RBPMS2: variants seen among roughly 807,000 people sequenced by gnomAD.
The protein encoded by RBPMS2 is RNA binding protein, mRNA processing factor 2.
RBPMS2 carries 14 observed loss-of-function variants against 25.7 expected under a neutral mutation model. The ratio of observed to expected loss-of-function variants is 0.55; its 90% CI spans 0.36 to 0.85. RBPMS2 has a LOEUF of 0.85. RBPMS2 is among the 40% of genes least tolerant of loss of function. The pLI is 0.01. For synonymous variants in RBPMS2, 127 were observed against 115.6 expected, an observed-to-expected ratio of 1.10 and a Z score of -0.63; for missense variants, 252 against 283.4, an observed-to-expected ratio of 0.89 and a Z score of 0.80.
At chr15:64,771,815 C>A (rs1157686854) in intron 1 of RBPMS2, among the ~76,000 whole-genome samples, 1 of 151,974 alleles carries the variant, frequency 6.6e-6, no homozygotes, top group Non-Finnish European at 1.5e-5. Flanking sequence ...AAAAATTAGC[C>A]AGGTATGGTG....
intron 1 of RBPMS2, among the ~76,000 whole-genome samples, chr15:64,767,729 G>A (rs997604035): frequency 1.3e-5 from 2 of 152,126 alleles, no homozygotes; most frequent in Admixed American, 1.3e-4. Context: ...CTGGAGTGCA[G>A]TGTGGCACGA....
chr15:64,748,624 G>A (rs755755830), intron 5 of RBPMS2, 57 bp from the exon 6 acceptor site: 19 of 1,502,052 alleles, frequency 1.3e-5, no homozygotes, highest in Non-Finnish European at 1.7e-5. Context: ...CTTCCAAACG[G>A]AGAAGGGGAC....
chr15:64,749,287 A>G (rs1268772215), intron 4 of RBPMS2, 137 bp from the exon 5 acceptor site: 2 of 1,319,926 alleles, frequency 1.5e-6, no homozygotes, highest in African/African-American at 1.5e-5. Flanking sequence ...GAGGAAAGGC[A>G]GCTCAGGCCT....
chr15:64,751,506 G>A (rs910022114), intron 2 of RBPMS2, 55 bp downstream of exon 2: 17 of 1,488,600 alleles, frequency 1.1e-5, no homozygotes, highest in Non-Finnish European at 1.5e-5. Context: ...ATTCACTCCC[G>A]CTGCTTCTCC....
chr15:64,744,692 T>C (rs1483087817), intron 6 of RBPMS2, among the ~76,000 whole-genome samples: 1 of 151,380 alleles, frequency 6.6e-6, no homozygotes. Flanking sequence ...TACAGGGAGC[T>C]GGACACATTC....
chr15:64,748,083 CCA>C (rs1377938711), intron 6 of RBPMS2, among the ~76,000 whole-genome samples: 1 of 152,104 alleles, frequency 6.6e-6, no homozygotes, highest in African/African-American at 2.4e-5. Context: ...TGGTCTGACT[CCA>C]GAGACCATAC....
chr15:64,758,464 G>A (rs1210028738), intron 1 of RBPMS2, among the ~76,000 whole-genome samples: 1 of 152,244 alleles, frequency 6.6e-6, no homozygotes, highest in African/African-American at 2.4e-5. Flanking sequence ...ACTTGTTGAG[G>A]AACAACCCTT....
Position 64,748,519 on chromosome 15 carries a change from G to A in RBPMS2, c.467C>T (p.Ala156Val). The A allele has an allele frequency of 1.9e-6, 3 of 1,608,034 alleles. No individual in the cohort carries two copies. The highest frequency in any genetic ancestry group is 2.5e-6 in the Non-Finnish European group (3 of 1,176,800). Residue 156 changes from alanine to valine, a missense_variant, in exon 6 of 8, where the codon GCC becomes GTC. Ala to Val is a moderately conservative substitution (Grantham distance 64). Coordinates refer to ENST00000300069, the MANE Select transcript of RBPMS2 (RefSeq NM_194272.3). ...ALIPASPEAW[A>V]PYPLYTTELT... ...CTCTGTGGTGTACAAAGGGTAGGGG[G>A]CCCAGGCCTCTGGGGATGCAGGGAT...
rs1254706900 is a variant in RBPMS2 at position 64,758,470 on chromosome 15, C to T, written c.88-6832G>A. Among the ~76,000 whole-genome samples, 5 of 152,232 alleles carry T rather than the reference C, an allele frequency of 3.3e-5. No homozygotes were observed. The East Asian group carries it at 9.6e-4, about 29-fold the overall frequency. The stretch of plus-strand genomic sequence containing the variant: ...GTCAAAGATACTTGTTGAGGAACAA[C>T]CCTTCTGGTGGAACCTGCTGCAAGC... On this transcript the variant is annotated intron_variant, in intron 1 of 7. Coordinates refer to ENST00000300069, the MANE Select transcript of RBPMS2 (RefSeq NM_194272.3).
At chr15:64,752,140 C>G (rs1046357353) in intron 1 of RBPMS2, among the ~76,000 whole-genome samples, 1 of 151,776 alleles carries the variant, frequency 6.6e-6, no homozygotes, top group African/African-American at 2.4e-5. Flanking sequence ...AATCGGTATG[C>G]CTTTTCAAAC....
At chr15:64,746,327 C>A (rs2083617728) in intron 6 of RBPMS2, among the ~76,000 whole-genome samples, 1 of 152,150 alleles carries the variant, frequency 6.6e-6, no homozygotes, top group African/African-American at 2.4e-5. Flanking sequence ...CACAAAGAGG[C>A]CTCCAGCCTC....
chr15:64,761,474 C>T (rs2083785554), intron 1 of RBPMS2, among the ~76,000 whole-genome samples: 1 of 152,338 alleles, frequency 6.6e-6, no homozygotes, highest in South Asian at 2.1e-4. Flanking sequence ...TGCTCTTTTG[C>T]AGACCTTGAT....
intron 1 of RBPMS2, among the ~76,000 whole-genome samples, chr15:64,765,847 G>A (rs1328691177): frequency 4.6e-5 from 7 of 152,066 alleles, no homozygotes; most frequent in African/African-American, 1.2e-4. Context: ...TAAAAAATTA[G>A]CTGGGCATGG....
intron 3 of RBPMS2, 34 bp downstream of exon 3, chr15:64,750,309 G>C (rs766136657): frequency 6.3e-7 from 1 of 1,599,034 alleles, no homozygotes; most frequent in South Asian, 1.1e-5. Context: ...GCCGGTCTGG[G>C]CTGGGAGGAA....
chr15:64,774,678 G>A (rs981778218), intron 1 of RBPMS2, among the ~76,000 whole-genome samples: 1 of 147,318 alleles, frequency 6.8e-6, no homozygotes, highest in East Asian at 2.3e-4. Context: ...CCAGGTTCTG[G>A]GGCTGTGAAG....
At chr15:64,749,765 C>T (rs992615352) in intron 3 of RBPMS2, among the ~76,000 whole-genome samples, 3 of 152,146 alleles carry the variant, frequency 2.0e-5, no homozygotes, top group Admixed American at 6.5e-5. Flanking sequence ...CTGAATTAAA[C>T]GTCGCCCTTT....
intron 7 of RBPMS2, 35 bp from the exon 8 acceptor site, chr15:64,741,035 G>C (rs1359749690): frequency 1.6e-6 from 1 of 622,346 alleles, no homozygotes. Context: ...GTGAGCAGAG[G>C]CGTGGGACTA....
At chr15:64,752,441 G>A (rs1336253926) in intron 1 of RBPMS2, among the ~76,000 whole-genome samples, 4 of 152,038 alleles carry the variant, frequency 2.6e-5, no homozygotes, top group Non-Finnish European at 5.9e-5. Flanking sequence ...CGAGATGTGG[G>A]ACCTTCAATG....
At position 64,741,159 on chromosome 15, in the gene RBPMS2, G is replaced by C. The variant is rs945024043; in HGVS notation, c.*7+14C>G. The C allele has an allele frequency of 6.4e-7, 1 of 1,559,092 alleles. No homozygotes were observed. ...CTAGGACACTTGTCCTGGGCCTCTG[G>C]GGCCAACACTTACTGAAAAACTAAC... On this transcript the variant is annotated intron_variant, in intron 7 of 7. Transcript: ENST00000300069.
Sources: gnomAD v4.1 joint callset for allele counts (sites outside exome capture counted in the v4.1 genomes callset) on GRCh38, gnomAD v4.1.1 for gene constraint, MANE v1.5 for transcripts, NCBI Gene and HGNC (gene_info 2026-07-23, HGNC 2026-07-21) for gene names.